The following BAP1 variants were observed in gnomAD, a reference collection of about 807,000 sequenced individuals.
The protein encoded by BAP1 is ubiquitin carboxyl-terminal hydrolase BAP1.
BAP1 carries 16 observed loss-of-function variants against 77.2 expected under a neutral mutation model. That is an observed-to-expected ratio of 0.21 (90% confidence interval 0.14 to 0.31). The LOEUF (loss-of-function observed/expected upper bound fraction) is 0.31, where lower values mean the gene tolerates loss of function less well. Ranked by LOEUF, BAP1 falls within the 10% of genes least tolerant of loss-of-function variation. The probability of loss-of-function intolerance (pLI) is 1.00; values close to 1 mark genes in which losing one functional copy is unlikely to be tolerated. For synonymous variants in BAP1, 362 were observed against 385.2 expected (o/e 0.94, Z 0.71); for missense variants, 699 against 967.3 (o/e 0.72, Z 3.68).
At chr3:52,409,417 A>G in intron 3 of BAP1, 137 bp downstream of exon 3, 1 of 1,208,584 alleles carries the variant, frequency 8.3e-7, no homozygotes, top group Non-Finnish European at 1.2e-6. Context: ...GCGGGCACTC[A>G]GAGAGCAAGG....
chr3:52,408,687 T>C, intron 3 of BAP1, 81 bp from the exon 4 acceptor site: 1 of 1,485,644 alleles, frequency 6.7e-7, no homozygotes. Flanking sequence ...CATTAATCCT[T>C]TGCACTGCGT....
intron 5 of BAP1, 82 bp downstream of exon 5, chr3:52,407,876 T>A: frequency 6.3e-7 from 1 of 1,585,628 alleles, no homozygotes; most frequent in Non-Finnish European, 8.6e-7. Flanking sequence ...GTACCCAATA[T>A]CATGTGGTAG....
Position 52,401,507 on chromosome 3 carries a change from C to A in BAP1, c.*781G>T. The A allele has an allele frequency of 4.3e-6, 1 of 233,770 alleles. No individual in the cohort carries two copies. 14.5% of individuals were successfully genotyped at this position (233,770 alleles called of 1,614,324 possible). On this transcript the variant is annotated 3_prime_UTR_variant, in exon 17 of 17. Transcript: ENST00000460680. Reference sequence around the variant, plus strand: ...CCCAATTTAGGCCCATAGCTAGGGCCACAACACTGAAGGCGAAGAGCCCTA... The same window carrying A: ...CCCAATTTAGGCCCATAGCTAGGGCAACAACACTGAAGGCGAAGAGCCCTA...
At chr3:52,408,267 G>A (rs1323308201) in intron 4 of BAP1, among the ~76,000 whole-genome samples, 190 bp from the exon 5 acceptor site, 2 of 152,166 alleles carry the variant, frequency 1.3e-5, no homozygotes, top group African/African-American at 2.4e-5. Flanking sequence ...GATATCTGAG[G>A]ACACAGAGAG....
chr3:52,406,770 T>C lies in BAP1; in HGVS notation c.659+59A>G, dbSNP rs1203836293. 1 of 1,517,532 alleles carries C rather than the reference T, an allele frequency of 6.6e-7. No individual in the cohort carries two copies. Among genetic ancestry groups the C allele is most frequent in the Non-Finnish European group, 9.0e-7 (1 of 1,116,196 alleles). The allele number at this position is 1,517,532 out of a possible 1,614,324, so 94.0% of individuals were successfully genotyped here. The stretch of plus-strand genomic sequence containing the variant: ...TTACAAATCACCTGGATACTCTCTG[T>C]CCCTCCCAAAGTAGGTACAGCTCCA... On this transcript the variant is annotated intron_variant, in intron 8 of 16. Transcript: ENST00000460680. This position sits in a 1 kb window ranked among gnomAD's most constrained non-coding sequence, Gnocchi z 4.6.
chr3:52,406,656 A>ACAGGCAGCC lies in BAP1; in HGVS notation c.659+164_659+172dup. 1 of 805,874 alleles carries ACAGGCAGCC rather than the reference A, an allele frequency of 1.2e-6. No homozygotes were observed. Among genetic ancestry groups the ACAGGCAGCC allele is most frequent in the South Asian group, 1.6e-5 (1 of 62,624 alleles). The allele number at this position is 805,874 out of a possible 1,614,324, so 49.9% of individuals were successfully genotyped here. A position where few individuals can be genotyped will look rare whatever the true frequency, so the allele number is the denominator to read the frequency against. On this transcript the variant is annotated intron_variant, in intron 8 of 16. Coordinates refer to ENST00000460680, the MANE Select transcript of BAP1 (RefSeq NM_004656.4). The surrounding 1 kb of genome is among the most constrained non-coding windows in gnomAD (Gnocchi z 4.6). ...CCCCCAGCCCACCCAGGAGCAGGCC[A>ACAGGCAGCC]CAGGCAGCCCAGGCAGGAAATAAGA...
chr3:52,407,736 A>C (rs1307493940), intron 5 of BAP1, among the ~76,000 whole-genome samples: 1 of 152,244 alleles, frequency 6.6e-6, no homozygotes, highest in Non-Finnish European at 1.5e-5. Context: ...GTCTGACTTA[A>C]GGAAACTCTC....
At chr3:52,405,492 G>GAAAAAA (rs71084182) in intron 10 of BAP1, 198 bp from the exon 11 acceptor site, 132 of 81,030 alleles carry the variant, frequency 1.6e-3, no homozygotes, top group South Asian at 5.9e-3. Context: ...GAAGCAGGAA[G>GAAAAAA]AAAAAAAAAA....
intron 10 of BAP1, 191 bp from the exon 11 acceptor site, chr3:52,405,485 G>A (rs1705121796): frequency 1.8e-5 from 1 of 54,280 alleles, no homozygotes; most frequent in Non-Finnish European, 3.3e-5. Context: ...GAAAAAAGAA[G>A]CAGGAAGAAA....
Position 52,402,967 on chromosome 3 carries a change from C to T in BAP1, c.1891-96G>A, listed in dbSNP as rs770353351. The T allele has an allele frequency of 7.5e-6, 12 of 1,603,812 alleles. No homozygotes were observed. Among genetic ancestry groups the T allele is most frequent in the African/African-American group, 1.3e-5 (1 of 74,884 alleles). Reference sequence around the variant, plus strand: ...TAGAGGCAAGGATGAGCAGCGAGTCCATGCCTATCAAGGCCCCTGCCACCA... The same window carrying T: ...TAGAGGCAAGGATGAGCAGCGAGTCTATGCCTATCAAGGCCCCTGCCACCA... On this transcript the variant is annotated intron_variant, in intron 14 of 16. Coordinates refer to ENST00000460680, the MANE Select transcript of BAP1 (RefSeq NM_004656.4). The surrounding 1 kb of genome is among the most constrained non-coding windows in gnomAD (Gnocchi z 5.3).
rs766582780 is a variant in BAP1 at position 52,403,339 on chromosome 3, C to A, written c.1730-41G>T. ...ACAAGAAAATCATCAGAGTGCAGGA[C>A]ACTTTGTGGTCACTTGGCCACTTCC... On this transcript the variant is annotated intron_variant, in intron 13 of 16. Transcript: ENST00000460680. The surrounding 1 kb of genome is among the most constrained non-coding windows in gnomAD (Gnocchi z 4.0). 2 of 1,612,878 alleles carry A rather than the reference C, an allele frequency of 1.2e-6. No individual in the cohort carries two copies. The highest frequency in any genetic ancestry group is 1.7e-6 in the Non-Finnish European group (2 of 1,179,888).
At position 52,403,337 on chromosome 3, in the gene BAP1, G is replaced by A. The variant is rs377329716; in HGVS notation, c.1730-39C>T. ...TCACAAGAAAATCATCAGAGTGCAG[G>A]ACACTTTGTGGTCACTTGGCCACTT... On this transcript the variant is annotated intron_variant, in intron 13 of 16. Transcript: ENST00000460680. This position sits in a 1 kb window ranked among gnomAD's most constrained non-coding sequence, Gnocchi z 4.0. 11 of 1,612,610 alleles carry A rather than the reference G, an allele frequency of 6.8e-6. No homozygotes were observed. Among genetic ancestry groups the A allele is most frequent in the Non-Finnish European group, 9.3e-6 (11 of 1,179,848 alleles).
chr3:52,405,540 A>G (rs1705129072), intron 10 of BAP1: 2 of 698,902 alleles, frequency 2.9e-6, no homozygotes, highest in East Asian at 5.5e-5. Context: ...AGAGAAAACA[A>G]GAAAGGGAGT....
At chr3:52,407,904 A>G in intron 5 of BAP1, 54 bp downstream of exon 5, 1 of 1,610,992 alleles carries the variant, frequency 6.2e-7, no homozygotes, top group Non-Finnish European at 8.5e-7. Context: ...AGTGGCCCTC[A>G]GGGTCAGATC....
At position 52,403,227 on chromosome 3, in the gene BAP1, TCTC is replaced by T; in HGVS notation, c.1798_1800del (p.Glu600del). On this transcript the variant is annotated inframe_deletion, in exon 14 of 17. Coordinates refer to ENST00000460680, the MANE Select transcript of BAP1 (RefSeq NM_004656.4). This position sits in a 1 kb window ranked among gnomAD's most constrained non-coding sequence, Gnocchi z 4.0. ...CTGTCCGTGGCTTCCACGACCTCCT[TCTC>T]CACTGGGCTGCTGGACCCCTGGCTG... The T allele has an allele frequency of 1.9e-6, 3 of 1,614,134 alleles. No homozygotes were observed. Among genetic ancestry groups the T allele is most frequent in the South Asian group, 2.2e-5 (2 of 91,084 alleles).
chr3:52,409,127 G>A (rs1287562522), intron 3 of BAP1, among the ~76,000 whole-genome samples: 6 of 152,200 alleles, frequency 3.9e-5, no homozygotes, highest in Non-Finnish European at 7.3e-5. Context: ...AGGACCACTG[G>A]GAAAAGACTC....
chr3:52,403,863 C>T lies in BAP1; in HGVS notation c.1282G>A (p.Ala428Thr), dbSNP rs371601284. 6.2e-7 allele frequency: 1 copy of T among 1,614,088 alleles called. No individual in the cohort carries two copies. The highest frequency in any genetic ancestry group is 1.3e-5 in the African/African-American group (1 of 75,020). Residue 428 changes from alanine (A) to threonine (T), a missense_variant, in exon 13 of 17, where the codon GCA becomes ACA. By Grantham distance (58) the Ala-to-Thr change is moderately conservative. Around this residue, in one of 3 missense-constraint regions of BAP1, gnomAD observed 475 missense variants for 532.4 expected, o/e 0.89. Coordinates refer to ENST00000460680, the MANE Select transcript of BAP1 (RefSeq NM_004656.4). The surrounding 1 kb of genome is among the most constrained non-coding windows in gnomAD (Gnocchi z 4.0). The part of the protein sequence containing the change: ...YKGKGTGKPG[A>T]LSGSADGQLS... ...TGCCCATCAGCAGAACCGCTCAATG[C>T]CCCTGGCTTCCCTGTTCCCTTCCCC...
chr3:52,404,536 G>A lies in BAP1; in HGVS notation c.1167C>T (p.Arg389=), dbSNP rs2153226870. 1.2e-6 allele frequency: 2 copies of A among 1,614,078 alleles called. No individual in the cohort carries two copies. Among genetic ancestry groups the A allele is most frequent in the Non-Finnish European group, 1.7e-6 (2 of 1,180,030 alleles). The part of the protein sequence containing the change: ...AGVGRSRVPV[R]PPQQYSDDED... ...CATCATCTGAGTACTGCTGGGGTGG[G>A]CGGACTGGAACTCGGCTGCGGCCCA... Residue 389 remains arginine, a synonymous_variant, in exon 12 of 17, where the codon CGC becomes CGT. Transcript: ENST00000460680.
chr3:52,407,732 C>A (rs539604234), intron 5 of BAP1, among the ~76,000 whole-genome samples: 1 of 152,196 alleles, frequency 6.6e-6, no homozygotes, highest in Non-Finnish European at 1.5e-5. Flanking sequence ...CATGGTCTGA[C>A]TTAAGGAAAC....
Sources: gnomAD v4.1 joint callset for allele counts (sites outside exome capture counted in the v4.1 genomes callset) on GRCh38, gnomAD v4.1.1 for gene constraint, gnomAD v4.1.1 regional missense constraint, Gnocchi (gnomAD v3.1) non-coding constraint, MANE v1.5 for transcripts, NCBI Gene and HGNC (gene_info 2026-07-23, HGNC 2026-07-21) for gene names.